Variants in SLC12A8 observed in about 807,000 individuals in gnomAD.
The protein encoded by SLC12A8 is solute carrier family 12 member 8, also known as cation-chloride cotransporter 9.
Under a neutral mutation model 75.6 loss-of-function variants are expected in SLC12A8, and 69 were observed. The observed-to-expected ratio is 0.91, with a 90% CI of 0.75 to 1.11. The LOEUF (loss-of-function observed/expected upper bound fraction) is 1.11, where lower values mean the gene tolerates loss of function less well. SLC12A8 is among the 50% of genes most tolerant of loss of function. SLC12A8 has a pLI of 0.00. For synonymous variants in SLC12A8, 365 were observed against 372.8 expected (o/e 0.98, Z 0.24); for missense variants, 877 against 896.7 (o/e 0.98, Z 0.28).
chr3:125,139,214 A>G (rs1933567507), intron 5 of SLC12A8, among the ~76,000 whole-genome samples: 1 of 152,210 alleles, frequency 6.6e-6, no homozygotes, highest in Non-Finnish European at 1.5e-5. Context: ...AAAATAAAAT[A>G]AGGACCAAAG....
intron 4 of SLC12A8, among the ~76,000 whole-genome samples, chr3:125,181,037 A>G (rs896428221): frequency 6.6e-6 from 1 of 152,216 alleles, no homozygotes; most frequent in Non-Finnish European, 1.5e-5. Context: ...GTAGAAAATT[A>G]TGATAGAAAA....
intron 2 of SLC12A8, among the ~76,000 whole-genome samples, chr3:125,206,112 T>C (rs1935221789): frequency 1.3e-5 from 2 of 152,196 alleles, no homozygotes; most frequent in Admixed American, 1.3e-4. Flanking sequence ...CTGCTGAGGC[T>C]CACATAGCTT....
chr3:125,175,795 C>T (rs938696968), intron 5 of SLC12A8, among the ~76,000 whole-genome samples: 18 of 150,432 alleles, frequency 1.2e-4, no homozygotes, highest in African/African-American at 3.9e-4. Flanking sequence ...CCTGGAGATG[C>T]GTCAAATATT....
intron 5 of SLC12A8, among the ~76,000 whole-genome samples, chr3:125,140,379 C>T (rs552947742): frequency 1.4e-4 from 21 of 152,308 alleles, no homozygotes; most frequent in African/African-American, 3.8e-4. Context: ...CTGCCTCTCC[C>T]GGTGGCAGAA....
At chr3:125,091,947 C>T (rs1938590514) in intron 11 of SLC12A8, among the ~76,000 whole-genome samples, 154 bp downstream of exon 11, 2 of 152,128 alleles carry the variant, frequency 1.3e-5, no homozygotes, top group East Asian at 1.9e-4. Flanking sequence ...TGTAATCTTG[C>T]CATATGTAGT....
At chr3:125,210,600 G>A (rs957253850) in intron 2 of SLC12A8, among the ~76,000 whole-genome samples, 39 of 152,074 alleles carry the variant, frequency 2.6e-4, no homozygotes, top group Admixed American at 2.3e-3. Context: ...CCCTCTGATG[G>A]GGCTTGTCCC....
chr3:125,132,363 C>T (rs1017834366), intron 6 of SLC12A8, among the ~76,000 whole-genome samples: 11 of 152,132 alleles, frequency 7.2e-5, no homozygotes, highest in Admixed American at 2.0e-4. Context: ...TTTCCATGGC[C>T]GAGCCTTAAG....
intron 2 of SLC12A8, among the ~76,000 whole-genome samples, chr3:125,209,755 C>G (rs111686093): frequency 6.6e-6 from 1 of 152,192 alleles, no homozygotes; most frequent in Non-Finnish European, 1.5e-5. Context: ...TTAACCATCA[C>G]GGAGGGCCCT....
chr3:125,091,621 G>C, intron 11 of SLC12A8, 65 bp from the exon 12 acceptor site: 1 of 1,032,702 alleles, frequency 9.7e-7, no homozygotes, highest in South Asian at 1.3e-5. Context: ...CAAGCCACAA[G>C]GCTAATGTCT....
chr3:125,095,017 C>G (rs983602276), intron 10 of SLC12A8, among the ~76,000 whole-genome samples: 1 of 152,342 alleles, frequency 6.6e-6, no homozygotes, highest in Admixed American at 6.5e-5. Flanking sequence ...GGCTCGCCTC[C>G]TCCTTCCAAC....
chr3:125,170,910 G>A (rs1934394038), intron 5 of SLC12A8, among the ~76,000 whole-genome samples: 2 of 152,058 alleles, frequency 1.3e-5, no homozygotes, highest in Non-Finnish European at 2.9e-5. Context: ...GCGAGACTCC[G>A]TCTCAAACAA....
At chr3:125,202,037 A>C (rs942341618) in intron 2 of SLC12A8, among the ~76,000 whole-genome samples, 1 of 152,120 alleles carries the variant, frequency 6.6e-6, no homozygotes, top group Non-Finnish European at 1.5e-5. Context: ...CCTCCTGAGT[A>C]GCTGGGATTA....
Position 125,107,467 on chromosome 3 carries a change from A to G in SLC12A8, c.1705+14T>C. 1 of 1,593,874 alleles carries G rather than the reference A, an allele frequency of 6.3e-7. No homozygotes were observed. The highest frequency in any genetic ancestry group is 8.6e-7 in the Non-Finnish European group (1 of 1,165,604). ...CCCAAATAAGAGGCCCCAGTGTGAT[A>G]CCAGAGCACTCACCTTCTCCACTGG... On this transcript the variant is annotated intron_variant, in intron 10 of 13. Transcript: ENST00000469902.
At position 125,128,177 on chromosome 3, in the gene SLC12A8, ATT is replaced by A. The variant is rs776219498; in HGVS notation, c.736+7490_736+7491del. On this transcript the variant is annotated intron_variant, in intron 6 of 13. Transcript: ENST00000469902. ...GAGCCACCGTGCCCGGCCTAAGCTT[ATT>A]TTTATTTTTTTTTTTTTTTGAGACG... Among the ~76,000 whole-genome samples the A allele has an allele frequency of 4.8e-3, 475 of 98,338 alleles. 2 individuals are homozygous for A. The highest frequency in any genetic ancestry group is 0.015 in the African/African-American group (450 of 31,012). The allele number at this position is 98,338 out of a possible 152,430, so 64.5% of individuals were successfully genotyped here.
rs767854715 is a variant in SLC12A8 at position 125,107,480 on chromosome 3, CCTT to C, written c.1703_1705del (p.Glu568del). 8.7e-6 allele frequency: 14 copies of C among 1,601,998 alleles called. No homozygotes were observed. Among genetic ancestry groups the C allele is most frequent in the Non-Finnish European group, 1.2e-5 (14 of 1,170,758 alleles). ...CCCCAGTGTGATACCAGAGCACTCA[CCTT>C]CTCCACTGGACTCTGATTGGTTGCA... On this transcript the variant is annotated inframe_deletion and splice_region_variant, in exon 10 of 14. Coordinates refer to ENST00000469902, the MANE Select transcript of SLC12A8 (RefSeq NM_024628.6).
At chr3:125,138,340 G>A (rs1432199442) in intron 5 of SLC12A8, among the ~76,000 whole-genome samples, 1 of 152,124 alleles carries the variant, frequency 6.6e-6, no homozygotes, top group African/African-American at 2.4e-5. Context: ...GGCAGAGGTT[G>A]CAGTGAGCCA....
At chr3:125,201,099 A>G (rs547562583) in intron 2 of SLC12A8, among the ~76,000 whole-genome samples, 184 of 152,110 alleles carry the variant, frequency 1.2e-3, no homozygotes, top group Non-Finnish European at 2.1e-3. Flanking sequence ...CATTCACACA[A>G]CAAATCAAAA....
chr3:125,155,621 A>ATTAGCAGGGTGTG (rs578023995), intron 5 of SLC12A8, among the ~76,000 whole-genome samples: 1 of 120,710 alleles, frequency 8.3e-6, no homozygotes, highest in African/African-American at 3.0e-5. Context: ...AATACAAAAA[A>ATTAGCAGGGTGTG]GTAGCTGTAG....
At chr3:125,084,099 A>T (rs1938399259) in intron 13 of SLC12A8, 47 bp from the exon 14 acceptor site, 1 of 1,540,652 alleles carries the variant, frequency 6.5e-7, no homozygotes, top group Admixed American at 1.8e-5. Flanking sequence ...CAGAACAGAG[A>T]CTGAACAGTA....
Sources: allele counts gnomAD v4.1 joint callset (sites outside exome capture counted in the v4.1 genomes callset), GRCh38; gene constraint gnomAD v4.1.1; transcripts MANE v1.5; gene names NCBI Gene and HGNC (gene_info 2026-07-23, HGNC 2026-07-21).